The following RGCC variants were observed in gnomAD, a reference collection of about 807,000 sequenced individuals.
RGCC encodes regulator of cell cycle RGCC.
In RGCC, 15 loss-of-function variants were observed where a neutral mutation model predicts 15.4. That is an observed-to-expected ratio of 0.97 (90% CI 0.65 to 1.50). The LOEUF is 1.50. RGCC is among the 40% of genes most tolerant of loss of function. The pLI, the probability that RGCC is intolerant of heterozygous loss-of-function variation, is 0.00. For synonymous variants in RGCC, 81 were observed against 78.0 expected (o/e 1.04, Z -0.20); for missense variants, 176 against 189.7 (o/e 0.93, Z 0.42).
In RGCC at chr13:41,458,185, T is replaced by G. The variant is rs1428706763; in HGVS notation, c.50-100T>G. The G allele has an allele frequency of 1.0e-6, 1 of 981,816 alleles. No homozygotes were observed. Among genetic ancestry groups the G allele is most frequent in the Non-Finnish European group, 1.5e-6 (1 of 681,978 alleles). 60.8% of individuals were successfully genotyped at this position (981,816 alleles called of 1,614,324 possible). ...TGTCACTTGGCAGAGGCGCCAAGTG[T>G]CAGTTATCTTCGGGAACCGTGGCGG... is the stretch of plus-strand genomic sequence containing the variant. On this transcript the variant is annotated intron_variant, in intron 1 of 4. Coordinates refer to ENST00000379359, the MANE Select transcript of RGCC (RefSeq NM_014059.3). This position sits in a 1 kb window ranked among gnomAD's most constrained non-coding sequence, Gnocchi z 4.4.
At chr13:41,463,061 T>G (rs929172396) in intron 2 of RGCC, among the ~76,000 whole-genome samples, 3 of 152,148 alleles carry the variant, frequency 2.0e-5, no homozygotes, top group Non-Finnish European at 4.4e-5. Flanking sequence ...AACTTTAGAG[T>G]TAAATCATTA....
intron 4 of RGCC, among the ~76,000 whole-genome samples, chr13:41,470,026 G>C (rs763233882): frequency 6.6e-6 from 1 of 152,164 alleles, no homozygotes; most frequent in Non-Finnish European, 1.5e-5. Context: ...TCTGTGAGAA[G>C]TATTTAATGC....
chr13:41,469,648 G>A (rs2043866353), intron 4 of RGCC, among the ~76,000 whole-genome samples: 1 of 152,170 alleles, frequency 6.6e-6, no homozygotes, highest in Non-Finnish European at 1.5e-5. Context: ...CCAAAAGAGA[G>A]AATTGGCTTG....
intron 4 of RGCC, among the ~76,000 whole-genome samples, chr13:41,469,670 A>C (rs1051531298): frequency 6.6e-6 from 1 of 152,192 alleles, no homozygotes; most frequent in Non-Finnish European, 1.5e-5. Context: ...GGGGCCTTTC[A>C]CCAGAGACCC....
At chr13:41,460,062 A>G (rs953474214) in intron 2 of RGCC, among the ~76,000 whole-genome samples, 1 of 152,226 alleles carries the variant, frequency 6.6e-6, no homozygotes, top group African/African-American at 2.4e-5. Flanking sequence ...CAGGGGAGAT[A>G]GTTGGGATAG....
Position 41,457,661 on chromosome 13 carries a change from C to T in RGCC, c.-47C>T. On this transcript the variant is annotated 5_prime_UTR_variant, in exon 1 of 5. Coordinates refer to ENST00000379359, the MANE Select transcript of RGCC (RefSeq NM_014059.3). The surrounding 1 kb of genome is among the most constrained non-coding windows in gnomAD (Gnocchi z 4.9). Reference sequence around the variant, plus strand: ...GCCCCCGAATAGCCCCGGCTGCCACCTCGCAGGACCCAAGGCCACGCGCGC... The same window carrying T: ...GCCCCCGAATAGCCCCGGCTGCCACTTCGCAGGACCCAAGGCCACGCGCGC... 3 of 1,502,386 alleles carry T rather than the reference C, an allele frequency of 2.0e-6. No individual in the cohort carries two copies. Among genetic ancestry groups the T allele is most frequent in the Non-Finnish European group, 2.7e-6 (3 of 1,127,272 alleles). 93.1% of individuals were successfully genotyped at this position (1,502,386 alleles called of 1,614,324 possible).
At chr13:41,468,651 A>T (rs1445266128) in intron 3 of RGCC, 125 bp from the exon 4 acceptor site, 1 of 722,170 alleles carries the variant, frequency 1.4e-6, no homozygotes, top group African/African-American at 1.8e-5. Flanking sequence ...TGTAAAATAG[A>T]AATAATCCAT....
intron 3 of RGCC, 39 bp downstream of exon 3, chr13:41,466,969 T>C: frequency 7.8e-7 from 1 of 1,279,288 alleles, no homozygotes; most frequent in Non-Finnish European, 1.1e-6. Flanking sequence ...TTTGCTTTTT[T>C]ATTCCTCTCT....
intron 2 of RGCC, among the ~76,000 whole-genome samples, chr13:41,463,651 G>A (rs1035813628): frequency 5.3e-5 from 8 of 152,114 alleles, no homozygotes; most frequent in South Asian, 4.2e-4. Context: ...CAGTTTGTCT[G>A]TATATTTTCT....
In RGCC at chr13:41,470,640, C is replaced by G; in HGVS notation, c.*155C>G. On this transcript the variant is annotated 3_prime_UTR_variant, in exon 5 of 5. Transcript: ENST00000379359. ...CTCTCAGGCTCACCTTAAAATCAGC[C>G]CTTGATCCCATTTCTGGGCAATTTA... 1 of 726,534 alleles carries G rather than the reference C, an allele frequency of 1.4e-6. No individual in the cohort carries two copies. The highest frequency in any genetic ancestry group is 2.4e-6 in the Non-Finnish European group (1 of 419,318). The allele number at this position is 726,534 out of a possible 1,614,324, so 45.0% of individuals were successfully genotyped here. A position where few individuals can be genotyped will look rare whatever the true frequency, so the allele number is the denominator to read the frequency against.
chr13:41,462,578 C>G (rs1593576557), intron 2 of RGCC, among the ~76,000 whole-genome samples: 1 of 152,208 alleles, frequency 6.6e-6, no homozygotes, highest in East Asian at 1.9e-4. Context: ...CCAGGGTTCC[C>G]CAAATTATCA....
chr13:41,470,419 G>A, intron 4 of RGCC, 59 bp from the exon 5 acceptor site: 1 of 1,566,916 alleles, frequency 6.4e-7, no homozygotes, highest in Non-Finnish European at 8.8e-7. Context: ...GTGTGATGTG[G>A]TTAAGCATAG....
At position 41,470,609 on chromosome 13, in the gene RGCC, A is replaced by G. The variant is rs1057316650; in HGVS notation, c.*124A>G. 3.1e-6 allele frequency: 3 copies of G among 955,318 alleles called. No individual in the cohort carries two copies. The African/African-American group carries it at 4.8e-5, about 15-fold the overall frequency. The allele number at this position is 955,318 out of a possible 1,614,324, so 59.2% of individuals were successfully genotyped here. A position where few individuals can be genotyped will look rare whatever the true frequency, so the allele number is the denominator to read the frequency against. ...AAAGACGTGCACTCAACCTTCTACC[A>G]GGCCACTCTCAGGCTCACCTTAAAA... On this transcript the variant is annotated 3_prime_UTR_variant, in exon 5 of 5. Coordinates refer to ENST00000379359, the MANE Select transcript of RGCC (RefSeq NM_014059.3).
At chr13:41,465,065 GA>G (rs2043840726) in intron 2 of RGCC, among the ~76,000 whole-genome samples, 2 of 152,160 alleles carry the variant, frequency 1.3e-5, no homozygotes, top group African/African-American at 4.8e-5. Context: ...CGAAAACTCT[GA>G]TACTTTTTGT....
chr13:41,466,181 ACACACACACT>A (rs59359566), intron 2 of RGCC, among the ~76,000 whole-genome samples: 68,859 of 146,660 alleles, frequency 0.47, 17,411 homozygotes, highest in South Asian at 0.74. Context: ...ACACTTTCTC[ACACACACACT>A]CACACACACT....
chr13:41,468,618 G>A (rs2043859313), intron 3 of RGCC, among the ~76,000 whole-genome samples, 158 bp from the exon 4 acceptor site: 1 of 152,168 alleles, frequency 6.6e-6, no homozygotes, highest in Admixed American at 6.5e-5. Flanking sequence ...TTCAATAAAA[G>A]TCTCTGAAGA....
rs2043860581 is a variant in RGCC, at chr13:41,468,853, G to A, written c.406+15G>A. 2 of 1,577,780 alleles carry A rather than the reference G, an allele frequency of 1.3e-6. No individual in the cohort carries two copies. The highest frequency in any genetic ancestry group is 1.7e-6 in the Non-Finnish European group (2 of 1,160,574). On this transcript the variant is annotated intron_variant, in intron 4 of 4. Transcript: ENST00000379359. The stretch of plus-strand genomic sequence containing the variant: ...AACTTTAGCAAGTAAGTACATGTCT[G>A]ATATTAAAAACAAAAAAACAAAAAA...
intron 3 of RGCC, 113 bp from the exon 4 acceptor site, chr13:41,468,663 C>G: frequency 1.3e-6 from 1 of 759,414 alleles, no homozygotes; most frequent in Non-Finnish European, 2.2e-6. Flanking sequence ...ATAATCCATT[C>G]TATAACTCTG....
intron 2 of RGCC, among the ~76,000 whole-genome samples, chr13:41,465,636 C>T (rs1472023865): frequency 6.6e-6 from 1 of 152,114 alleles, no homozygotes; most frequent in African/African-American, 2.4e-5. Flanking sequence ...CTTCTGGGGC[C>T]TCATCTTGCT....
Sources: allele counts gnomAD v4.1 joint callset (sites outside exome capture counted in the v4.1 genomes callset), GRCh38; gene constraint gnomAD v4.1.1; non-coding constraint Gnocchi (gnomAD v3.1); transcripts MANE v1.5; gene names NCBI Gene and HGNC (gene_info 2026-07-23, HGNC 2026-07-21).